DLC1: variants seen among roughly 807,000 people sequenced by gnomAD.
The protein encoded by DLC1 is rho GTPase-activating protein 7.
In DLC1, 54 loss-of-function variants were observed where a neutral mutation model predicts 140.3. That is an observed-to-expected ratio of 0.38 (90% CI 0.31 to 0.48). The LOEUF is 0.48. Among genes scored for constraint, DLC1 ranks in the 20% least tolerant of loss-of-function variants. The pLI, the probability that DLC1 is intolerant of heterozygous loss-of-function variation, is 0.96. For synonymous variants in DLC1, 986 were observed against 728.1 expected (o/e 1.35, Z -5.70); for missense variants, 2,536 against 1,907.0 (o/e 1.33, Z -6.14).
chr8:13,594,466 C>T (rs565452729), intron 1 of DLC1, among the ~76,000 whole-genome samples: 2 of 152,148 alleles, frequency 1.3e-5, no homozygotes, highest in South Asian at 2.1e-4. Context: ...TGGATTCTCC[C>T]ACATTGCTTT....
At chr8:13,098,331 G>T in intron 10 of DLC1, 68 bp downstream of exon 10, 2 of 1,561,862 alleles carry the variant, frequency 1.3e-6, no homozygotes, top group South Asian at 1.2e-5. Context: ...TTACTGTGGG[G>T]ACAACCTCAA....
intron 2 of DLC1, among the ~76,000 whole-genome samples, chr8:13,430,502 AT>A (rs1838815284): frequency 6.6e-6 from 1 of 152,014 alleles, no homozygotes; most frequent in Non-Finnish European, 1.5e-5. Flanking sequence ...TATTGCCCTC[AT>A]TTTCATTCTT....
chr8:13,116,992 A>G (rs1025969338), intron 5 of DLC1, among the ~76,000 whole-genome samples: 4 of 152,254 alleles, frequency 2.6e-5, no homozygotes, highest in African/African-American at 7.2e-5. Context: ...CGATGTTTAC[A>G]CTGAATAAAA....
chr8:13,343,248 G>T (rs1834159534), intron 4 of DLC1, among the ~76,000 whole-genome samples: 1 of 152,160 alleles, frequency 6.6e-6, no homozygotes, highest in East Asian at 1.9e-4. Flanking sequence ...GTTAGTTCAT[G>T]TTGTTTGCAG....
chr8:13,417,859 C>G (rs574754363), intron 2 of DLC1, among the ~76,000 whole-genome samples: 5,084 of 152,182 alleles, frequency 0.033, 275 homozygotes, highest in African/African-American at 0.11. Context: ...TCTCCACATC[C>G]TCTCCAGCAC....
intron 5 of DLC1, among the ~76,000 whole-genome samples, chr8:13,161,329 T>G (rs1012500721): frequency 8.2e-5 from 10 of 121,736 alleles, no homozygotes; most frequent in South Asian, 2.7e-4. Flanking sequence ...CATTTGTGGG[T>G]TTTTTTTGTT....
At chr8:13,539,041 G>A (rs189067321) in intron 1 of DLC1, among the ~76,000 whole-genome samples, 99 of 152,168 alleles carry the variant, frequency 6.5e-4, no homozygotes, top group African/African-American at 2.4e-3. Context: ...AGATAAGACT[G>A]AATCCTTAAA....
intron 2 of DLC1, among the ~76,000 whole-genome samples, chr8:13,444,313 G>A (rs1434552606): frequency 2.0e-5 from 3 of 152,076 alleles, no homozygotes; most frequent in African/African-American, 7.2e-5. Context: ...GGTGCGGGTT[G>A]GGGGAGGGAT....
intron 5 of DLC1, among the ~76,000 whole-genome samples, chr8:13,300,021 T>G (rs535367266): frequency 5.3e-4 from 80 of 152,184 alleles, no homozygotes; most frequent in African/African-American, 1.8e-3. Flanking sequence ...AGCAAAGACA[T>G]GGAATCAACC....
intron 4 of DLC1, among the ~76,000 whole-genome samples, chr8:13,339,030 G>A (rs942568659): frequency 1.3e-5 from 2 of 152,102 alleles, no homozygotes; most frequent in African/African-American, 4.8e-5. Flanking sequence ...GCGTATATCT[G>A]GTAATAAGGA....
intron 2 of DLC1, among the ~76,000 whole-genome samples, chr8:13,465,985 A>G (rs918268445): frequency 1.5e-4 from 23 of 152,084 alleles, no homozygotes; most frequent in African/African-American, 5.1e-4. Context: ...TACAGATTAT[A>G]CAACCACCTC....
At chr8:13,506,310 T>C (rs1802062577) in intron 1 of DLC1, among the ~76,000 whole-genome samples, 1 of 151,904 alleles carries the variant, frequency 6.6e-6, no homozygotes, top group African/African-American at 2.4e-5. Context: ...TTGATATAAA[T>C]AAATGAACAC....
At chr8:13,510,329 A>G (rs373196727) in intron 1 of DLC1, among the ~76,000 whole-genome samples, 4 of 152,172 alleles carry the variant, frequency 2.6e-5, no homozygotes, top group South Asian at 2.1e-4. Context: ...GCCTGCTACC[A>G]TGCCTGGCTA....
intron 2 of DLC1, among the ~76,000 whole-genome samples, chr8:13,489,019 C>T (rs1801108453): frequency 6.6e-6 from 1 of 152,066 alleles, no homozygotes; most frequent in South Asian, 2.1e-4. Context: ...GTGATCTTGG[C>T]TCACTGCAAC....
At position 13,083,632 on chromosome 8, in the gene DLC1, T is replaced by C. The variant is rs1817320347; in HGVS notation, c.*2179A>G. The C allele has an allele frequency of 6.6e-6, 1 of 152,658 alleles. No homozygotes were observed. The highest frequency in any genetic ancestry group is 2.4e-5 in the African/African-American group (1 of 41,454). 9.5% of individuals were successfully genotyped at this position (152,658 alleles called of 1,614,324 possible). On this transcript the variant is annotated 3_prime_UTR_variant, in exon 18 of 18. Coordinates refer to ENST00000276297, the MANE Select transcript of DLC1 (RefSeq NM_182643.3). Reference sequence around the variant, plus strand: ...CATTCACTGGTGACCCTGACTCTGCTTGCAAGCATCTTTCTGCTGTTGCAC... The same window carrying C: ...CATTCACTGGTGACCCTGACTCTGCCTGCAAGCATCTTTCTGCTGTTGCAC...
intron 1 of DLC1, among the ~76,000 whole-genome samples, chr8:13,578,468 T>G (rs1804925329): frequency 6.6e-6 from 1 of 152,156 alleles, no homozygotes; most frequent in Admixed American, 6.5e-5. Flanking sequence ...TTCTGACATA[T>G]CTACCTGGAG....
At chr8:13,390,344 C>G (rs1266575528) in intron 4 of DLC1, among the ~76,000 whole-genome samples, 1 of 152,208 alleles carries the variant, frequency 6.6e-6, no homozygotes, top group African/African-American at 2.4e-5. Flanking sequence ...ATATGTACCA[C>G]ATTTTCTTTA....
intron 1 of DLC1, among the ~76,000 whole-genome samples, chr8:13,531,421 A>C (rs1379665482): frequency 6.6e-6 from 1 of 152,128 alleles, no homozygotes; most frequent in Non-Finnish European, 1.5e-5. Flanking sequence ...CCCCATCTCT[A>C]CTAAAAACAC....
At chr8:13,483,958 G>T (rs1800853275) in intron 2 of DLC1, among the ~76,000 whole-genome samples, 1 of 145,948 alleles carries the variant, frequency 6.9e-6, no homozygotes, top group South Asian at 2.2e-4. Flanking sequence ...AGCATCGCCT[G>T]TAGTCTAGCT....
Sources: gnomAD v4.1 joint callset for allele counts (sites outside exome capture counted in the v4.1 genomes callset) on GRCh38, gnomAD v4.1.1 for gene constraint, MANE v1.5 for transcripts, NCBI Gene and HGNC (gene_info 2026-07-23, HGNC 2026-07-21) for gene names.